PLTP: variants seen among roughly 807,000 people sequenced by gnomAD.
PLTP encodes the protein BPI fold containing family E.
In PLTP, 43 loss-of-function variants were observed where a neutral mutation model predicts 54.1. That is an observed-to-expected ratio of 0.79 (90% confidence interval 0.62 to 1.02). PLTP has a LOEUF of 1.02. PLTP is among the 50% of genes least tolerant of loss of function. The probability of loss-of-function intolerance (pLI) is 0.00; values close to 1 mark genes in which losing one functional copy is unlikely to be tolerated. For missense variants in PLTP, 604 were observed against 645.9 expected, an observed-to-expected ratio of 0.94 and a Z score of 0.70; for synonymous variants, 263 against 264.6, an observed-to-expected ratio of 0.99 and a Z score of 0.06.
chr20:45,909,678 G>C lies in PLTP; in HGVS notation c.330-7C>G. On this transcript the variant is annotated splice_polypyrimidine_tract_variant and splice_region_variant and intron_variant, in intron 4 of 15. Coordinates refer to ENST00000372431, the MANE Select transcript of PLTP (RefSeq NM_006227.4). ...GATGTAGCCCCCATCATAGCTGCCA[G>C]GGGGGTTAATATTCACTCCAGGTAG... 6.2e-7 allele frequency: 1 copy of C among 1,613,888 alleles called. No homozygotes were observed. The highest frequency in any genetic ancestry group is 8.5e-7 in the Non-Finnish European group (1 of 1,179,828).
In PLTP at chr20:45,911,251, A is replaced by C; in HGVS notation, c.101T>G (p.Val34Gly). Reference protein sequence around the residue: ...IRVTSKALELVKQEGLRFLEQ... With the variant: ...IRVTSKALELGKQEGLRFLEQ... ...CAGAAAGCGCAGCCCCTCCTGCTTCACTGAAGCAGCAGAGAAACCCTTACT... is the reference window on the plus strand; with the variant it reads ...CAGAAAGCGCAGCCCCTCCTGCTTCCCTGAAGCAGCAGAGAAACCCTTACT... The change falls in exon 3 of 16, where the codon GTG becomes GGG. Residue 34 changes from valine to glycine, a missense_variant and splice_region_variant. By Grantham distance (109) the Val-to-Gly change is moderately radical (BLOSUM62 -3). Transcript: ENST00000372431. The C allele has an allele frequency of 6.2e-7, 1 of 1,614,058 alleles. No homozygotes were observed. The highest frequency in any genetic ancestry group is 1.1e-5 in the South Asian group (1 of 91,080).
rs762637119 is a variant in PLTP, at chr20:45,911,871, G to A, written c.-12+208C>T. 39 of 270,426 alleles carry A rather than the reference G, an allele frequency of 1.4e-4. 1 individual carries two copies. The highest frequency in any genetic ancestry group is 2.6e-4 in the Non-Finnish European group (36 of 137,362). 16.8% of individuals were successfully genotyped at this position (270,426 alleles called of 1,614,324 possible). ...TGGCTTGCGGTCTCCTAGGCCTCGC[G>A]CCCGGGGAGGAGAGGAGGTGGCCGA... On this transcript the variant is annotated intron_variant, in intron 1 of 15. Transcript: ENST00000372431.
chr20:45,902,660 C>T, intron 10 of PLTP, 56 bp from the exon 11 acceptor site: 4 of 1,518,018 alleles, frequency 2.6e-6, no homozygotes, highest in Non-Finnish European at 3.6e-6. Context: ...TTGGAGCCCC[C>T]AGGGAAGAAG....
At chr20:45,910,853 G>C (rs441346) in intron 3 of PLTP, 701,481 of 1,291,228 alleles carry the variant, frequency 0.54, 192,465 homozygotes, top group Admixed American at 0.69. Context: ...CATCTATTGG[G>C]AAGTTCCTTG....
At chr20:45,899,803 C>T in intron 13 of PLTP, 33 bp downstream of exon 13, 1 of 1,413,486 alleles carries the variant, frequency 7.1e-7, no homozygotes, top group Non-Finnish European at 9.8e-7. Context: ...ATCTCACGAA[C>T]CCAGCCCAGC....
At chr20:45,902,412 C>T in intron 11 of PLTP, 28 bp downstream of exon 11, 2 of 1,614,166 alleles carry the variant, frequency 1.2e-6, no homozygotes, top group Non-Finnish European at 1.7e-6. Context: ...TGACCCCCAG[C>T]CAGCAGCCCC....
In PLTP at chr20:45,898,978, G is replaced by T; in HGVS notation, c.1445C>A (p.Ala482Glu). The change falls in exon 16 of 16, where the codon GCG becomes GAG. Residue 482 changes from alanine to glutamate, a missense_variant. Transcript: ENST00000372431. This position sits in a 1 kb window ranked among gnomAD's most constrained non-coding sequence, Gnocchi z 4.6. ...IEKNRPADVRASTAPTPSTAA... is the reference protein window; with the variant it reads ...IEKNRPADVRESTAPTPSTAA... Reference sequence around the variant, plus strand: ...TGTGGACGGTGTGGGGGCAGTGGACGCCCTGACATCAGCAGGCCGGTTCTT... The same window carrying T: ...TGTGGACGGTGTGGGGGCAGTGGACTCCCTGACATCAGCAGGCCGGTTCTT... 3 of 1,614,074 alleles carry T rather than the reference G, an allele frequency of 1.9e-6. No homozygotes were observed. Among genetic ancestry groups the T allele is most frequent in the Non-Finnish European group, 2.5e-6 (3 of 1,179,990 alleles).
chr20:45,908,717 G>A (rs1280770345), intron 5 of PLTP, among the ~76,000 whole-genome samples: 3 of 151,954 alleles, frequency 2.0e-5, no homozygotes, highest in African/African-American at 7.2e-5. Flanking sequence ...CAGGAGAATC[G>A]TTTGAACCCA....
intron 12 of PLTP, among the ~76,000 whole-genome samples, chr20:45,900,190 C>T (rs964022299): frequency 8.2e-5 from 12 of 146,132 alleles, no homozygotes; most frequent in Admixed American, 2.8e-4. Context: ...CTCACTGCTC[C>T]GTCTCCCGGG....
Position 45,898,930 on chromosome 20 carries a change from G to C in PLTP, c.*11C>G. 2 of 1,613,286 alleles carry C rather than the reference G, an allele frequency of 1.2e-6. No individual in the cohort carries two copies. The highest frequency in any genetic ancestry group is 1.7e-6 in the Non-Finnish European group (2 of 1,179,334). ...TCCTGAATGACAGCTGCCAGCTTGGGGATTGAGGGCTCAGACAGCTGCTGT... is the reference window on the plus strand; with the variant it reads ...TCCTGAATGACAGCTGCCAGCTTGGCGATTGAGGGCTCAGACAGCTGCTGT... On this transcript the variant is annotated 3_prime_UTR_variant, in exon 16 of 16. Transcript: ENST00000372431. This position sits in a 1 kb window ranked among gnomAD's most constrained non-coding sequence, Gnocchi z 4.6.
chr20:45,906,180 G>C (rs755256210), intron 8 of PLTP, 88 bp downstream of exon 8: 1 of 876,166 alleles, frequency 1.1e-6, no homozygotes, highest in African/African-American at 1.7e-5. Flanking sequence ...CATCAGAGCT[G>C]TGCTTTAAGA....
intron 12 of PLTP, among the ~76,000 whole-genome samples, chr20:45,900,814 C>A (rs1411595828): frequency 6.6e-6 from 1 of 152,192 alleles, no homozygotes; most frequent in African/African-American, 2.4e-5. Flanking sequence ...CAGGTGTGAG[C>A]CACTGCACCC....
intron 3 of PLTP, chr20:45,910,936 A>G: frequency 4.9e-6 from 7 of 1,433,668 alleles, no homozygotes; most frequent in Non-Finnish European, 5.5e-6. Context: ...CCCCCTCTAC[A>G]TTTTCAAGGC....
chr20:45,911,341 C>T lies in PLTP; in HGVS notation c.100+12G>A. On this transcript the variant is annotated intron_variant, in intron 2 of 15. Coordinates refer to ENST00000372431, the MANE Select transcript of PLTP (RefSeq NM_006227.4). ...CCGCTCCCGTCCGTCCCTGTCTGCC[C>T]CTGCGCCTTACCCAGCTCCAGCGCC... is the stretch of plus-strand genomic sequence containing the variant. The T allele has an allele frequency of 6.2e-7, 1 of 1,613,634 alleles. No homozygotes were observed. The highest frequency in any genetic ancestry group is 2.2e-5 in the East Asian group (1 of 44,870).
chr20:45,907,601 C>T (rs770944766), intron 7 of PLTP, 91 bp downstream of exon 7: 64 of 1,231,828 alleles, frequency 5.2e-5, no homozygotes, highest in Non-Finnish European at 7.2e-5. Flanking sequence ...ACATTTGAAC[C>T]CAGGACTGTT....
rs1165365732 is a variant in PLTP, at chr20:45,911,396, G to A, written c.57C>T (p.Phe19=). ...LALLAGAHAE[F]PGCKIRVTSK... Reference sequence around the variant, plus strand: ...AGGTGACGCGGATCTTGCAGCCTGGGAACTCTGCATGTGCGCCTGCCAGCA... The same window carrying A: ...AGGTGACGCGGATCTTGCAGCCTGGAAACTCTGCATGTGCGCCTGCCAGCA... Residue 19 remains phenylalanine (F), a synonymous_variant, in exon 2 of 16, where the codon TTC becomes TTT. Coordinates refer to ENST00000372431, the MANE Select transcript of PLTP (RefSeq NM_006227.4). The A allele has an allele frequency of 6.2e-7, 1 of 1,610,380 alleles. No homozygotes were observed. The highest frequency in any genetic ancestry group is 1.7e-5 in the Admixed American group (1 of 60,024).
At chr20:45,905,211 G>C (rs902710243) in intron 8 of PLTP, 93 bp from the exon 9 acceptor site, 2 of 1,146,052 alleles carry the variant, frequency 1.7e-6, no homozygotes, top group Admixed American at 1.8e-5. Flanking sequence ...TAGGCACTGT[G>C]GGGGGATGGT....
At position 45,907,741 on chromosome 20, in the gene PLTP, G is replaced by C. The variant is rs1251132273; in HGVS notation, c.564C>G (p.Leu188=). 1 of 1,613,804 alleles carries C rather than the reference G, an allele frequency of 6.2e-7. No homozygotes were observed. Among genetic ancestry groups the C allele is most frequent in the Admixed American group, 1.7e-5 (1 of 59,984 alleles). Reference sequence around the variant, plus strand: ...TGAGCAGGACCGTCCCTGCGTGGTAGAGGACAGGGCAGATCTGCGAGGTGG... The same window carrying C: ...TGAGCAGGACCGTCCCTGCGTGGTACAGGACAGGGCAGATCTGCGAGGTGG... ...FLLNQQICPV[L]YHAGTVLLNS... Residue 188 remains leucine, a synonymous_variant, in exon 7 of 16, where the codon CTC becomes CTG. Coordinates refer to ENST00000372431, the MANE Select transcript of PLTP (RefSeq NM_006227.4).
Position 45,899,042 on chromosome 20 carries a change from C to G in PLTP, c.1381G>C (p.Asp461His), listed in dbSNP as rs2083146745. The change falls in exon 16 of 16, where the codon GAT becomes CAT. Residue 461 changes from aspartate (D) to histidine (H), a missense_variant. Coordinates refer to ENST00000372431, the MANE Select transcript of PLTP (RefSeq NM_006227.4). ...NHAGFLTIGA[D>H]LHFAKGLREV... ...CGCAGCCCTTTGGCAAAGTGGAGAT[C>G]AGCCCCGATGGTGAGGAATCCCTGT... The G allele has an allele frequency of 1.2e-6, 2 of 1,614,104 alleles. No individual in the cohort carries two copies. Among genetic ancestry groups the G allele is most frequent in the Non-Finnish European group, 1.7e-6 (2 of 1,180,032 alleles).
Sources: allele counts gnomAD v4.1 joint callset (sites outside exome capture counted in the v4.1 genomes callset), GRCh38; gene constraint gnomAD v4.1.1; non-coding constraint Gnocchi (gnomAD v3.1); transcripts MANE v1.5; gene names NCBI Gene and HGNC (gene_info 2026-07-23, HGNC 2026-07-21).